MAGI2: variants seen among roughly 807,000 people sequenced by gnomAD.
The protein encoded by MAGI2 is membrane associated guanylate kinase, WW and PDZ domain containing 2.
Under a neutral mutation model 133.3 loss-of-function variants are expected in MAGI2, and 35 were observed. The observed-to-expected ratio is 0.26, with a 90% CI of 0.20 to 0.35. The LOEUF (loss-of-function observed/expected upper bound fraction) is 0.35, where lower values mean the gene tolerates loss of function less well. Among genes scored for constraint, MAGI2 ranks in the 10% least tolerant of loss-of-function variants. The pLI is 1.00. For missense variants in MAGI2, 1,636 were observed against 1,863.4 expected (o/e 0.88, Z 2.25); for synonymous variants, 729 against 710.6 (o/e 1.03, Z -0.41).
chr7:78,359,337 A>C (rs918520663), intron 7 of MAGI2: 1 of 152,204 alleles, frequency 6.6e-6, no homozygotes, highest in Non-Finnish European at 1.5e-5. Context: ...ACTGTTATTC[A>C]AAGGATATTA....
intron 7 of MAGI2, among the ~76,000 whole-genome samples, chr7:78,346,714 CTG>C (rs1024149036): frequency 1.3e-5 from 2 of 152,166 alleles, no homozygotes; most frequent in Non-Finnish European, 2.9e-5. Context: ...TCCAAGCAAA[CTG>C]TGAATTTCTG....
chr7:78,482,226 A>C (rs543684458), intron 6 of MAGI2, among the ~76,000 whole-genome samples: 1 of 152,074 alleles, frequency 6.6e-6, no homozygotes, highest in Non-Finnish European at 1.5e-5. Flanking sequence ...AGAATGGCTA[A>C]AATTTAAAAA....
chr7:78,189,347 C>CGT (rs1236114075), intron 12 of MAGI2, among the ~76,000 whole-genome samples: 3 of 152,080 alleles, frequency 2.0e-5, no homozygotes, highest in Non-Finnish European at 4.4e-5. Context: ...CTTGAACTGG[C>CGT]GTGTGATCAC....
chr7:78,067,591 G>A (rs890820795), intron 21 of MAGI2, among the ~76,000 whole-genome samples: 8 of 152,144 alleles, frequency 5.3e-5, no homozygotes, highest in African/African-American at 9.7e-5. Flanking sequence ...ATAGTTAACA[G>A]CTATTTAGTC....
intron 1 of MAGI2, among the ~76,000 whole-genome samples, chr7:79,141,872 A>T (rs530579272): frequency 6.6e-6 from 1 of 152,246 alleles, no homozygotes; most frequent in South Asian, 2.1e-4. Flanking sequence ...TAGGATACCT[A>T]TGTCTTGAAT....
intron 2 of MAGI2, among the ~76,000 whole-genome samples, chr7:78,956,675 T>C (rs551461164): frequency 6.6e-6 from 1 of 152,264 alleles, no homozygotes; most frequent in East Asian, 1.9e-4. Flanking sequence ...GGAACAACTG[T>C]AGCAGGGTCA....
chr7:79,264,314 G>C (rs760651447), intron 1 of MAGI2, among the ~76,000 whole-genome samples: 1 of 152,168 alleles, frequency 6.6e-6, no homozygotes, highest in African/African-American at 2.4e-5. Context: ...TGCTATCTGA[G>C]ATTGTCAGTT....
intron 2 of MAGI2, among the ~76,000 whole-genome samples, chr7:78,630,947 G>C (rs1213040028): frequency 6.6e-6 from 1 of 151,852 alleles, no homozygotes; most frequent in Non-Finnish European, 1.5e-5. Flanking sequence ...CATCATCCTG[G>C]GGAGTCACTT....
intron 1 of MAGI2, among the ~76,000 whole-genome samples, chr7:79,241,609 AT>A (rs1832423010): frequency 6.6e-6 from 1 of 152,210 alleles, no homozygotes; most frequent in Non-Finnish European, 1.5e-5. Context: ...AACTGACCCC[AT>A]CTTTGTTTTG....
intron 3 of MAGI2, among the ~76,000 whole-genome samples, chr7:78,552,271 C>A (rs113854465): frequency 0.028 from 4,251 of 150,188 alleles, 93 homozygotes; most frequent in South Asian, 0.068. Flanking sequence ...GCAACCTCCA[C>A]CTCCTGGGTT....
chr7:79,446,575 C>T (rs1285357862), intron 1 of MAGI2, among the ~76,000 whole-genome samples: 2 of 152,038 alleles, frequency 1.3e-5, no homozygotes, highest in African/African-American at 4.8e-5. Context: ...GTAGAGCAAG[C>T]CATCTAATTA....
At chr7:78,206,989 G>A (rs775518495) in intron 10 of MAGI2, among the ~76,000 whole-genome samples, 4 of 152,058 alleles carry the variant, frequency 2.6e-5, no homozygotes, top group Non-Finnish European at 5.9e-5. Flanking sequence ...TTGTTGAGCT[G>A]TACACTGAGA....
chr7:78,222,835 C>T (rs568822091), intron 10 of MAGI2, among the ~76,000 whole-genome samples: 1 of 152,014 alleles, frequency 6.6e-6, no homozygotes, highest in African/African-American at 2.4e-5. Context: ...GAATTTATAC[C>T]CAGAACATGG....
At position 79,057,682 on chromosome 7, in the gene MAGI2, T is replaced by C. The variant is rs553266803; in HGVS notation, c.302-50476A>G. The stretch of plus-strand genomic sequence containing the variant: ...TTCAATGGCAGGTGCAGCATAAGTT[T>C]GTATTAATGCTTAGTACCTCCTCTT... On this transcript the variant is annotated intron_variant, in intron 1 of 21. Transcript: ENST00000354212. Among the ~76,000 whole-genome samples the C allele has an allele frequency of 5.9e-5, 9 of 152,270 alleles. No homozygotes were observed. In the East Asian group the frequency reaches 1.7e-3, roughly 29 times the overall value.
chr7:78,747,690 C>T (rs1823056394), intron 2 of MAGI2, among the ~76,000 whole-genome samples: 1 of 152,270 alleles, frequency 6.6e-6, no homozygotes, highest in South Asian at 2.1e-4. Context: ...GCCCTGATCT[C>T]ACTAGAAGGT....
intron 9 of MAGI2, among the ~76,000 whole-genome samples, chr7:78,307,790 T>C (rs1391091310): frequency 1.3e-5 from 2 of 152,178 alleles, no homozygotes; most frequent in East Asian, 3.8e-4. Flanking sequence ...TTTTCTCTAC[T>C]TCTATATATG....
chr7:78,368,944 T>C lies in MAGI2; in HGVS notation c.1103+212A>G, dbSNP rs144365988. Among the ~76,000 whole-genome samples, 352 of 152,182 alleles carry C rather than the reference T, an allele frequency of 2.3e-3. 2 individuals carry two copies. Among genetic ancestry groups the C allele is most frequent in the African/African-American group, 8.3e-3 (343 of 41,542 alleles). On this transcript the variant is annotated intron_variant, in intron 7 of 21. Transcript: ENST00000354212. ...TGAAACACACTTTTTCAATTGGTGT[T>C]TTAGAATCGTTGAGTCAAAGGAAAG...
intron 13 of MAGI2, among the ~76,000 whole-genome samples, chr7:78,182,427 C>T (rs1161762995): frequency 6.6e-6 from 1 of 152,182 alleles, no homozygotes; most frequent in African/African-American, 2.4e-5. Flanking sequence ...TGTGACCAAG[C>T]ACGTGTTAGC....
chr7:78,862,578 C>T (rs1794239229), intron 2 of MAGI2, among the ~76,000 whole-genome samples: 1 of 152,126 alleles, frequency 6.6e-6, no homozygotes, highest in African/African-American at 2.4e-5. Context: ...AGCTACAGAC[C>T]AAAATATATC....
Sources: allele counts gnomAD v4.1 joint callset (sites outside exome capture counted in the v4.1 genomes callset), GRCh38; gene constraint gnomAD v4.1.1; transcripts MANE v1.5; gene names NCBI Gene and HGNC (gene_info 2026-07-23, HGNC 2026-07-21).